Variants in DENND1A observed in about 807,000 individuals in gnomAD.
DENND1A encodes the protein DENN domain-containing protein 1A.
DENND1A carries 51 observed loss-of-function variants against 113.7 expected under a neutral mutation model. The observed-to-expected ratio is 0.45, with a 90% confidence interval of 0.36 to 0.57. The LOEUF is 0.57. Ranked by LOEUF, DENND1A falls within the 20% of genes least tolerant of loss-of-function variation. The probability of loss-of-function intolerance (pLI) is 0.00; values close to 1 mark genes in which losing one functional copy is unlikely to be tolerated. For synonymous variants in DENND1A, 565 were observed against 570.8 expected (o/e 0.99, Z 0.14); for missense variants, 1,258 against 1,395.9 (o/e 0.90, Z 1.57).
intron 13 of DENND1A, among the ~76,000 whole-genome samples, chr9:123,508,942 A>C (rs1252116195): frequency 6.6e-6 from 1 of 152,214 alleles, no homozygotes; most frequent in East Asian, 1.9e-4. Flanking sequence ...AGTTTATTTA[A>C]ATACAAAATA....
At chr9:123,713,902 C>T (rs1412568979) in intron 5 of DENND1A, among the ~76,000 whole-genome samples, 1 of 152,214 alleles carries the variant, frequency 6.6e-6, no homozygotes, top group Non-Finnish European at 1.5e-5. Flanking sequence ...GACTCTAGAT[C>T]TGTCTGACTT....
chr9:123,449,044 G>A (rs1564508805), intron 18 of DENND1A, among the ~76,000 whole-genome samples: 1 of 152,222 alleles, frequency 6.6e-6, no homozygotes, highest in Non-Finnish European at 1.5e-5. Context: ...GTAGTGGTAA[G>A]AACACACAGC....
At chr9:123,754,481 CTT>C (rs778432056) in intron 5 of DENND1A, among the ~76,000 whole-genome samples, 1 of 152,180 alleles carries the variant, frequency 6.6e-6, no homozygotes, top group Non-Finnish European at 1.5e-5. Flanking sequence ...ATCTAGGACT[CTT>C]TTATTTTTAG....
chr9:123,778,760 G>C (rs909457339), intron 3 of DENND1A, among the ~76,000 whole-genome samples: 1 of 151,986 alleles, frequency 6.6e-6, no homozygotes, highest in African/African-American at 2.4e-5. Flanking sequence ...TGCCAAACCC[G>C]ATCTAGAGTG....
intron 13 of DENND1A, among the ~76,000 whole-genome samples, chr9:123,497,250 C>T (rs1392616911): frequency 1.3e-5 from 2 of 152,244 alleles, no homozygotes; most frequent in Non-Finnish European, 2.9e-5. Flanking sequence ...GGGCCAGGCA[C>T]AGTGCAGTGA....
chr9:123,852,202 C>T (rs1449062040), intron 2 of DENND1A, among the ~76,000 whole-genome samples: 1 of 152,088 alleles, frequency 6.6e-6, no homozygotes, highest in East Asian at 1.9e-4. Flanking sequence ...ATTGAGAGGG[C>T]CTGTACTTGA....
intron 3 of DENND1A, among the ~76,000 whole-genome samples, chr9:123,789,101 A>C (rs1173092926): frequency 6.6e-6 from 1 of 151,226 alleles, no homozygotes; most frequent in East Asian, 1.9e-4. Flanking sequence ...TAGGCAACGC[A>C]TGACTTTCAG....
At chr9:123,710,678 T>TG (rs1554970152) in intron 5 of DENND1A, among the ~76,000 whole-genome samples, 6 of 129,050 alleles carry the variant, frequency 4.6e-5, no homozygotes, top group Admixed American at 8.3e-5. Flanking sequence ...TGGAGGTTTT[T>TG]TTTTTTTTTT....
rs60761810 is a variant in DENND1A, at chr9:123,728,479, C to CAAAAAAAAAAAA, written c.302+29212_302+29223dup. ...GCAACAATTGCAAAACTCTGTCTCC[C>CAAAAAAAAAAAA]AAAAAAAAAAAAAAAAAAAAAAAAA... On this transcript the variant is annotated intron_variant, in intron 5 of 23. Transcript: ENST00000394215. Among the ~76,000 whole-genome samples the CAAAAAAAAAAAA allele has an allele frequency of 6.4e-3, 161 of 25,192 alleles. 38 individuals are homozygous for CAAAAAAAAAAAA. Among genetic ancestry groups the CAAAAAAAAAAAA allele is most frequent in the African/African-American group, 0.011 (75 of 6,664 alleles). The allele number at this position is 25,192 out of a possible 152,430, so 16.5% of individuals were successfully genotyped here.
chr9:123,496,401 T>C (rs542638510), intron 13 of DENND1A, among the ~76,000 whole-genome samples: 1 of 152,364 alleles, frequency 6.6e-6, no homozygotes, highest in South Asian at 2.1e-4. Context: ...TTCTGGCAAG[T>C]GATTTTGAAG....
Position 123,593,938 on chromosome 9 carries a change from G to A in DENND1A, c.766-10668C>T, listed in dbSNP as rs1269286619. Among the ~76,000 whole-genome samples the A allele has an allele frequency of 2.6e-5, 4 of 152,242 alleles. No individual in the cohort carries two copies. In the East Asian group the frequency reaches 5.8e-4, roughly 22 times the overall value. On this transcript the variant is annotated intron_variant, in intron 11 of 23. Transcript: ENST00000394215. ...TCCCAAGATCTGGTTGTTTGAAAGTGTGTAGCATTCCCCTCTCTCTCTCTT... is the reference window on the plus strand; with the variant it reads ...TCCCAAGATCTGGTTGTTTGAAAGTATGTAGCATTCCCCTCTCTCTCTCTT...
At chr9:123,633,985 T>C (rs1363931324) in intron 9 of DENND1A, among the ~76,000 whole-genome samples, 1 of 152,198 alleles carries the variant, frequency 6.6e-6, no homozygotes, top group Non-Finnish European at 1.5e-5. Context: ...GGTAACATCA[T>C]CACATGAATT....
chr9:123,907,488 T>C (rs1853087237), intron 1 of DENND1A, among the ~76,000 whole-genome samples: 1 of 147,326 alleles, frequency 6.8e-6, no homozygotes, highest in Non-Finnish European at 1.5e-5. Flanking sequence ...GATAAGCAAC[T>C]TCAGCAAAGT....
chr9:123,817,800 G>A (rs921331418), intron 2 of DENND1A, among the ~76,000 whole-genome samples: 1 of 152,262 alleles, frequency 6.6e-6, no homozygotes, highest in Admixed American at 6.5e-5. Flanking sequence ...GCCGAGGTGG[G>A]TGGATCACCT....
At chr9:123,498,842 C>G (rs1266379210) in intron 13 of DENND1A, among the ~76,000 whole-genome samples, 1 of 152,098 alleles carries the variant, frequency 6.6e-6, no homozygotes, top group Non-Finnish European at 1.5e-5. Context: ...CCCACCTCAG[C>G]CTCTCCAGTA....
chr9:123,580,689 A>T lies in DENND1A; in HGVS notation c.867+2480T>A, dbSNP rs561440334. On this transcript the variant is annotated intron_variant, in intron 12 of 23. Coordinates refer to ENST00000394215, the MANE Select transcript of DENND1A (RefSeq NM_001352964.2). ...CAAGAGGTGCTTGTCCACTGAAAGG[A>T]AACAGGGATGGGAGCCTCAGATTCC... is the stretch of plus-strand genomic sequence containing the variant. 1.8e-4 allele frequency among the ~76,000 whole-genome samples: 28 copies of T among 152,316 alleles called. No individual in the cohort carries two copies. The East Asian group carries it at 5.4e-3, about 29-fold the overall frequency.
At chr9:123,645,404 C>G (rs972876062) in intron 9 of DENND1A, among the ~76,000 whole-genome samples, 2 of 152,174 alleles carry the variant, frequency 1.3e-5, no homozygotes, top group Non-Finnish European at 2.9e-5. Context: ...GCTGAGATGG[C>G]CTTTGCATAT....
At chr9:123,850,676 A>C (rs1843215922) in intron 2 of DENND1A, among the ~76,000 whole-genome samples, 1 of 152,192 alleles carries the variant, frequency 6.6e-6, no homozygotes, top group South Asian at 2.1e-4. Context: ...TAAGCTCGCC[A>C]TGCCATGGTT....
intron 13 of DENND1A, among the ~76,000 whole-genome samples, chr9:123,510,372 T>C (rs939966842): frequency 2.6e-5 from 4 of 152,238 alleles, no homozygotes; most frequent in Admixed American, 6.5e-5. Flanking sequence ...GAATGATCAG[T>C]GTGAGCACAC....
Sources: gnomAD v4.1 joint callset for allele counts (sites outside exome capture counted in the v4.1 genomes callset) on GRCh38, gnomAD v4.1.1 for gene constraint, MANE v1.5 for transcripts, NCBI Gene and HGNC (gene_info 2026-07-23, HGNC 2026-07-21) for gene names.